Variants in OTOG observed in about 807,000 individuals in gnomAD.
OTOG encodes the protein otogelin.
Under a neutral mutation model 313.8 loss-of-function variants are expected in OTOG, and 296 were observed. The ratio of observed to expected loss-of-function variants is 0.94; its 90% CI spans 0.86 to 1.04. The LOEUF is 1.04. Ranked by LOEUF, OTOG falls within the 50% of genes least tolerant of loss-of-function variation. The pLI is 0.00. For synonymous variants in OTOG, 1,533 were observed against 1,554.9 expected, an observed-to-expected ratio of 0.99 and a Z score of 0.33; for missense variants, 3,948 against 3,840.1, an observed-to-expected ratio of 1.03 and a Z score of -0.74.
At chr11:17,569,604 CTT>C (rs1852362982) in intron 16 of OTOG, among the ~76,000 whole-genome samples, 1 of 152,136 alleles carries the variant, frequency 6.6e-6, no homozygotes, top group South Asian at 2.1e-4. Flanking sequence ...CCACAAGGAA[CTT>C]ATGTGTAGCT....
At chr11:17,582,517 G>A (rs1440307075) in intron 23 of OTOG, among the ~76,000 whole-genome samples, 2 of 152,184 alleles carry the variant, frequency 1.3e-5, no homozygotes, top group African/African-American at 2.4e-5. Context: ...GGGTCCTAGG[G>A]TAGATTCATA....
chr11:17,607,145 G>T (rs1203167454), intron 33 of OTOG, among the ~76,000 whole-genome samples: 2 of 152,266 alleles, frequency 1.3e-5, no homozygotes, highest in African/African-American at 4.8e-5. Context: ...GACTGGCTGT[G>T]TCTCGCGGGC....
In OTOG at chr11:17,606,082, G is replaced by A. The variant is rs1380737460; in HGVS notation, c.4103G>A (p.Arg1368Gln). 7.7e-6 allele frequency: 12 copies of A among 1,549,808 alleles called. No individual in the cohort carries two copies. The highest frequency in any genetic ancestry group is 5.9e-5 in the Admixed American group (3 of 50,956). The change falls in exon 33 of 56, where the codon CGG (arginine) becomes CAG (glutamine). Residue 1368 changes from arginine (R) to glutamine (Q), a missense_variant. Transcript: ENST00000399397. ...LYVSGAVLALRLYEHTEVFRR... is the reference protein window; with the variant it reads ...LYVSGAVLALQLYEHTEVFRR... ...GTGTCGGGCGCGGTGCTGGCCCTGC[G>A]GCTGTACGAACACACAGAGGTGTTC... is the stretch of plus-strand genomic sequence containing the variant.
Position 17,634,708 on chromosome 11 carries a change from G to A in OTOG, c.7481-136G>A, listed in dbSNP as rs1854217716. 8.8e-6 allele frequency: 6 copies of A among 681,122 alleles called. No individual in the cohort carries two copies. The South Asian group carries it at 9.4e-5, about 11-fold the overall frequency. The allele number at this position is 681,122 out of a possible 1,614,324, so 42.2% of individuals were successfully genotyped here. A position where few individuals can be genotyped will look rare whatever the true frequency, so the allele number is the denominator to read the frequency against. On this transcript the variant is annotated intron_variant, in intron 44 of 55. Transcript: ENST00000399397. ...TGTGACCCTCAATGACCTCATCTAG[G>A]AGTATGGGTCCTGGGGGCTGGGGGG...
At chr11:17,605,426 C>T (rs539344754) in intron 32 of OTOG, among the ~76,000 whole-genome samples, 1 of 152,190 alleles carries the variant, frequency 6.6e-6, no homozygotes, top group South Asian at 2.1e-4. Flanking sequence ...AATCACCAAC[C>T]TTCAGCGTGC....
chr11:17,567,833 A>G (rs1040415709), intron 15 of OTOG, among the ~76,000 whole-genome samples: 1 of 152,224 alleles, frequency 6.6e-6, no homozygotes, highest in African/African-American at 2.4e-5. Flanking sequence ...ATTTCAACTT[A>G]TATGTCAACT....
chr11:17,549,011 C>A (rs528566683), intron 3 of OTOG, among the ~76,000 whole-genome samples: 1 of 152,256 alleles, frequency 6.6e-6, no homozygotes, highest in South Asian at 2.1e-4. Flanking sequence ...GCCACTGAGC[C>A]CGGCCTCTAT....
chr11:17,579,657 G>A (rs191594373), intron 23 of OTOG, among the ~76,000 whole-genome samples: 12 of 152,302 alleles, frequency 7.9e-5, no homozygotes, highest in South Asian at 6.2e-4. Context: ...CTTGGGCCCC[G>A]GAGTGGCATT....
rs1409760571 is a variant in OTOG, at chr11:17,641,960, C to T, written c.8295+9C>T. ...CCACCTCCCTGTTCTTGGTAAGCAG[C>T]CCCCTCGCTGCCCACTTAGGAGGGT... is the stretch of plus-strand genomic sequence containing the variant. On this transcript the variant is annotated intron_variant, in intron 52 of 55. Coordinates refer to ENST00000399397, the MANE Select transcript of OTOG (RefSeq NM_001292063.2). 4.5e-6 allele frequency: 7 copies of T among 1,548,372 alleles called. No individual in the cohort carries two copies. The South Asian group carries it at 4.8e-5, about 11-fold the overall frequency.
rs530824688 is a variant in OTOG, at chr11:17,638,333, G to A, written c.7796-118G>A. On this transcript the variant is annotated intron_variant, in intron 47 of 55. Transcript: ENST00000399397. ...ACTCTTCCCTGGGGCTCTGAGGACA[G>A]TGGGGGTCACTAAGGAGGAGCTGGG... The A allele has an allele frequency of 8.8e-5, 76 of 867,460 alleles. 2 individuals are homozygous for A. In the South Asian group the frequency reaches 1.2e-3, roughly 13 times the overall value. 53.7% of individuals were successfully genotyped at this position (867,460 alleles called of 1,614,324 possible). A position where few individuals can be genotyped will look rare whatever the true frequency, so the allele number is the denominator to read the frequency against.
In OTOG at chr11:17,642,183, G is replaced by A. The variant is rs1847990988; in HGVS notation, c.8352G>A (p.Leu2784=). Residue 2784 remains leucine, a synonymous_variant, in exon 53 of 56, where the codon CTG becomes CTA. Coordinates refer to ENST00000399397, the MANE Select transcript of OTOG (RefSeq NM_001292063.2). ...GCCACCACTGCAGCAGCACGCCCCT[G>A]GGTGCCGTGCTGGTCCGCTCTCCCA... The part of the protein sequence containing the change: ...CARHHCSSTP[L]GAVLVRSPIS... The A allele has an allele frequency of 6.5e-7, 1 of 1,550,312 alleles. No homozygotes were observed. The highest frequency in any genetic ancestry group is 8.7e-7 in the Non-Finnish European group (1 of 1,146,814).
rs977575450 is a variant in OTOG at position 17,578,358 on chromosome 11, C to T, written c.2606-15C>T. On this transcript the variant is annotated splice_polypyrimidine_tract_variant and intron_variant, in intron 22 of 55. Coordinates refer to ENST00000399397, the MANE Select transcript of OTOG (RefSeq NM_001292063.2). Reference sequence around the variant, plus strand: ...GAGGCCCCAGGGCCTCCGCTCCCATCTTCTTCTCTTCCAGCTGCTGCCTGC... The same window carrying T: ...GAGGCCCCAGGGCCTCCGCTCCCATTTTCTTCTCTTCCAGCTGCTGCCTGC... 1 of 1,488,664 alleles carries T rather than the reference C, an allele frequency of 6.7e-7. No homozygotes were observed. Among genetic ancestry groups the T allele is most frequent in the Admixed American group, 2.2e-5 (1 of 45,654 alleles). 92.2% of individuals were successfully genotyped at this position (1,488,664 alleles called of 1,614,324 possible).
intron 33 of OTOG, 93 bp downstream of exon 33, chr11:17,606,228 C>T (rs1853386121): frequency 7.2e-7 from 1 of 1,397,800 alleles, no homozygotes; most frequent in Non-Finnish European, 9.4e-7. Context: ...CCAATTACCC[C>T]TAAGAAGCAG....
chr11:17,568,246 A>G (rs1177232146), intron 15 of OTOG, among the ~76,000 whole-genome samples: 1 of 152,212 alleles, frequency 6.6e-6, no homozygotes, highest in Non-Finnish European at 1.5e-5. Context: ...AGAGTTAGGC[A>G]AGTGAATATA....
At chr11:17,638,868 C>T (rs1054302033) in intron 48 of OTOG, 7 of 1,138,836 alleles carry the variant, frequency 6.1e-6, no homozygotes, top group African/African-American at 1.6e-5. Context: ...GAGGCCAAGG[C>T]GGGTGGATCA....
At chr11:17,633,932 C>A in intron 43 of OTOG, 58 bp downstream of exon 43, 1 of 1,488,388 alleles carries the variant, frequency 6.7e-7, no homozygotes. Context: ...GCCTCGCCTC[C>A]TGCTGTCCAC....
In OTOG at chr11:17,638,530, C is replaced by T; in HGVS notation, c.7875C>T (p.Cys2625=). The T allele has an allele frequency of 6.4e-7, 1 of 1,550,498 alleles. No individual in the cohort carries two copies. The highest frequency in any genetic ancestry group is 1.4e-5 in the African/African-American group (1 of 73,148). ...TGGAGGTGTGGAGCCCCGACCGCTG[C>T]TGCCCCTACAAATCCTGTGGTGAGT... is the stretch of plus-strand genomic sequence containing the variant. ...ALVEVWSPDR[C]CPYKSCECDC... Residue 2625 remains cysteine, a synonymous_variant, in exon 48 of 56, where the codon TGC becomes TGT. Transcript: ENST00000399397.
intron 15 of OTOG, among the ~76,000 whole-genome samples, chr11:17,566,891 C>T (rs1422402317): frequency 6.6e-6 from 1 of 152,206 alleles, no homozygotes; most frequent in East Asian, 1.9e-4. Context: ...TTATCATCTA[C>T]ATTTCATCCT....
At chr11:17,568,734 T>C (rs1346869402) in intron 15 of OTOG, among the ~76,000 whole-genome samples, 1 of 152,212 alleles carries the variant, frequency 6.6e-6, no homozygotes, top group Non-Finnish European at 1.5e-5. Context: ...CCTCATTTCC[T>C]GCCTGCCTGT....
Sources: allele counts gnomAD v4.1 joint callset (sites outside exome capture counted in the v4.1 genomes callset), GRCh38; gene constraint gnomAD v4.1.1; transcripts MANE v1.5; gene names NCBI Gene and HGNC (gene_info 2026-07-23, HGNC 2026-07-21).